KIAA1217: variants seen among roughly 807,000 people sequenced by gnomAD.
KIAA1217 encodes the protein sickle tail protein homolog.
A neutral mutation model predicts 163.9 loss-of-function variants in KIAA1217; 88 were observed. That is an observed-to-expected ratio of 0.54 (90% CI 0.45 to 0.64). The LOEUF is 0.64. Ranked by LOEUF, KIAA1217 falls within the 30% of genes least tolerant of loss-of-function variation. The probability of loss-of-function intolerance (pLI) is 0.00; values close to 1 mark genes in which losing one functional copy is unlikely to be tolerated. For missense variants in KIAA1217, 2,372 were observed against 2,475.0 expected, an observed-to-expected ratio of 0.96 and a Z score of 0.88; for synonymous variants, 903 against 923.1, an observed-to-expected ratio of 0.98 and a Z score of 0.39.
intron 2 of KIAA1217, among the ~76,000 whole-genome samples, chr10:24,295,622 GC>G (rs2132563582): frequency 6.6e-6 from 1 of 152,132 alleles, no homozygotes; most frequent in African/African-American, 2.4e-5. Flanking sequence ...AATTTCTCAG[GC>G]CCCTGTTTCA....
At chr10:24,023,252 T>C (rs572979608) in intron 2 of KIAA1217, among the ~76,000 whole-genome samples, 12 of 151,890 alleles carry the variant, frequency 7.9e-5, no homozygotes, top group Admixed American at 6.6e-4. Context: ...TAGTCAAACA[T>C]GTGAAGAAAC....
intron 1 of KIAA1217, among the ~76,000 whole-genome samples, chr10:24,004,270 C>A (rs1315356229): frequency 6.6e-6 from 1 of 151,854 alleles, no homozygotes; most frequent in Non-Finnish European, 1.5e-5. Context: ...AACCACAGCA[C>A]CCGGCCGAGG....
At chr10:23,920,787 A>C (rs1331453913) in intron 1 of KIAA1217, among the ~76,000 whole-genome samples, 1 of 152,098 alleles carries the variant, frequency 6.6e-6, no homozygotes, top group African/African-American at 2.4e-5. Context: ...CTGTGTCCCC[A>C]CCCAAATCTC....
intron 6 of KIAA1217, among the ~76,000 whole-genome samples, chr10:24,475,421 C>G (rs968096500): frequency 6.6e-6 from 1 of 152,118 alleles, no homozygotes; most frequent in African/African-American, 2.4e-5. Context: ...CTCTTTAGCA[C>G]AGTTTTATTA....
chr10:23,753,500 A>C (rs1833762193), intron 1 of KIAA1217, among the ~76,000 whole-genome samples: 1 of 152,180 alleles, frequency 6.6e-6, no homozygotes, highest in Non-Finnish European at 1.5e-5. Flanking sequence ...TAGTTTTATA[A>C]GATTTAGGAT....
intron 6 of KIAA1217, among the ~76,000 whole-genome samples, chr10:24,484,562 A>G (rs2065152288): frequency 6.6e-6 from 1 of 150,550 alleles, no homozygotes; most frequent in African/African-American, 2.4e-5. Flanking sequence ...TTATTTTTCA[A>G]TGTATTATTA....
At chr10:23,790,488 C>T (rs1359116000) in intron 1 of KIAA1217, among the ~76,000 whole-genome samples, 2 of 105,336 alleles carry the variant, frequency 1.9e-5, no homozygotes, top group Non-Finnish European at 3.5e-5. Context: ...TGCATATATA[C>T]ATATATACAT....
intron 2 of KIAA1217, among the ~76,000 whole-genome samples, chr10:24,117,377 T>G (rs556036480): frequency 6.6e-6 from 1 of 152,126 alleles, no homozygotes; most frequent in Non-Finnish European, 1.5e-5. Context: ...TGGTGGCTCA[T>G]GCCTGTAATC....
chr10:24,047,431 GAGA>G (rs1311507946), intron 2 of KIAA1217, among the ~76,000 whole-genome samples: 1 of 152,202 alleles, frequency 6.6e-6, no homozygotes, highest in African/African-American at 2.4e-5. Context: ...GGTTTATGGG[GAGA>G]AGTAGTGGTG....
At position 24,473,336 on chromosome 10, in the gene KIAA1217, G is replaced by C; in HGVS notation, c.955G>C (p.Val319Leu). The change falls in exon 6 of 21, where the codon GTG becomes CTG. Residue 319 changes from valine to leucine, a missense_variant. Around this residue, in one of 3 missense-constraint regions of KIAA1217, gnomAD observed 1,431 missense variants for 1,470.3 expected, o/e 0.97. Coordinates refer to ENST00000376454, the MANE Select transcript of KIAA1217 (RefSeq NM_019590.5). ...AIPNSPPSTP[V>L]PHSMPPSPSR... is the part of the protein sequence containing the mutation. Reference sequence around the variant, plus strand: ...TCCAAATTCCCCACCGTCTACTCCAGTGCCCCATTCCATGCCCCCCTCCCC... The same window carrying C: ...TCCAAATTCCCCACCGTCTACTCCACTGCCCCATTCCATGCCCCCCTCCCC... The C allele has an allele frequency of 8.2e-6, 13 of 1,592,120 alleles. No individual in the cohort carries two copies. Among genetic ancestry groups the C allele is most frequent in the Non-Finnish European group, 9.4e-6 (11 of 1,168,966 alleles).
chr10:24,423,644 G>C (rs913472555), intron 3 of KIAA1217, among the ~76,000 whole-genome samples: 6 of 152,114 alleles, frequency 3.9e-5, no homozygotes, highest in Non-Finnish European at 8.8e-5. Flanking sequence ...ATTTTTAGTA[G>C]AGTCGAGGTT....
At chr10:24,122,154 C>T (rs1026474079) in intron 2 of KIAA1217, among the ~76,000 whole-genome samples, 1 of 152,032 alleles carries the variant, frequency 6.6e-6, no homozygotes, top group Non-Finnish European at 1.5e-5. Flanking sequence ...CCCTTCCCCC[C>T]ACCCTTTTGG....
At chr10:24,353,327 C>T (rs537969512) in intron 2 of KIAA1217, among the ~76,000 whole-genome samples, 1 of 152,282 alleles carries the variant, frequency 6.6e-6, no homozygotes, top group Admixed American at 6.5e-5. Flanking sequence ...CTCTTTCAAA[C>T]ATATTTCTCA....
At chr10:24,242,216 C>A (rs774806472) in intron 2 of KIAA1217, among the ~76,000 whole-genome samples, 2 of 151,880 alleles carry the variant, frequency 1.3e-5, no homozygotes, top group Non-Finnish European at 2.9e-5. Context: ...AGCATAGTAC[C>A]CAATAGGTAG....
At chr10:24,126,266 A>T (rs956670368) in intron 2 of KIAA1217, among the ~76,000 whole-genome samples, 1 of 152,108 alleles carries the variant, frequency 6.6e-6, no homozygotes, top group Non-Finnish European at 1.5e-5. Flanking sequence ...CAGATCATTG[A>T]TTATGCTTCA....
At chr10:24,366,909 C>A (rs1262229375) in intron 2 of KIAA1217, among the ~76,000 whole-genome samples, 1 of 152,134 alleles carries the variant, frequency 6.6e-6, no homozygotes, top group African/African-American at 2.4e-5. Flanking sequence ...TTGGGGCAAA[C>A]CCATTGCTAG....
intron 13 of KIAA1217, among the ~76,000 whole-genome samples, chr10:24,526,424 G>A (rs1343570442): frequency 6.6e-6 from 1 of 152,138 alleles, no homozygotes; most frequent in Non-Finnish European, 1.5e-5. Context: ...TTCCTCCTAA[G>A]AATTGGCAGA....
intron 1 of KIAA1217, among the ~76,000 whole-genome samples, chr10:23,736,432 C>T (rs559699591): frequency 6.6e-6 from 1 of 152,294 alleles, no homozygotes; most frequent in African/African-American, 2.4e-5. Flanking sequence ...GTATGAGAGA[C>T]TCAGTGTTTA....
chr10:24,255,640 G>T (rs753613780), intron 2 of KIAA1217: 61 of 426,148 alleles, frequency 1.4e-4, no homozygotes, highest in South Asian at 1.0e-3. Flanking sequence ...CCCCCCCTGG[G>T]GTCCCTAAAC....
Sources: gnomAD v4.1 joint callset for allele counts (sites outside exome capture counted in the v4.1 genomes callset) on GRCh38, gnomAD v4.1.1 for gene constraint, gnomAD v4.1.1 regional missense constraint, MANE v1.5 for transcripts, NCBI Gene and HGNC (gene_info 2026-07-23, HGNC 2026-07-21) for gene names.